MAP2K4: variants seen among roughly 807,000 people sequenced by gnomAD.
MAP2K4 encodes the protein dual specificity mitogen-activated protein kinase kinase 4.
A neutral mutation model predicts 48.5 loss-of-function variants in MAP2K4; 4 were observed. That is an observed-to-expected ratio of 0.08 (90% CI 0.04 to 0.19). The LOEUF (loss-of-function observed/expected upper bound fraction) is 0.19, where lower values mean the gene tolerates loss of function less well. Ranked by LOEUF, MAP2K4 falls within the 10% of genes least tolerant of loss-of-function variation. The pLI, the probability that MAP2K4 is intolerant of heterozygous loss-of-function variation, is 1.00. For synonymous variants in MAP2K4, 166 were observed against 173.1 expected (o/e 0.96, Z 0.32); for missense variants, 258 against 493.3 (o/e 0.52, Z 4.52).
rs950806678 is a variant in MAP2K4 at position 12,060,953 on chromosome 17, C to T, written c.218+5962C>T. On this transcript the variant is annotated intron_variant, in intron 2 of 10. Transcript: ENST00000353533. Reference sequence around the variant, plus strand: ...TCTTCTCAGATCGAACTTCTGTACCCGTTAAGCAATAAGTCCTTATTCTCC... The same window carrying T: ...TCTTCTCAGATCGAACTTCTGTACCTGTTAAGCAATAAGTCCTTATTCTCC... Among the ~76,000 whole-genome samples, 11 of 152,112 alleles carry T rather than the reference C, an allele frequency of 7.2e-5. No homozygotes were observed. The East Asian group carries it at 1.9e-3, about 27-fold the overall frequency.
intron 3 of MAP2K4, among the ~76,000 whole-genome samples, chr17:12,082,862 A>C (rs1214533544): frequency 6.6e-6 from 1 of 152,222 alleles, no homozygotes; most frequent in Non-Finnish European, 1.5e-5. Context: ...TTATGTGTTA[A>C]AATAAAATGT....
At chr17:12,078,716 T>C (rs1306747039) in intron 2 of MAP2K4, among the ~76,000 whole-genome samples, 1 of 152,240 alleles carries the variant, frequency 6.6e-6, no homozygotes, top group Non-Finnish European at 1.5e-5. Context: ...GTGTGTTTTC[T>C]ACTGTTTATG....
chr17:12,121,393 G>C (rs1481901245), intron 7 of MAP2K4, among the ~76,000 whole-genome samples: 2 of 152,006 alleles, frequency 1.3e-5, no homozygotes, highest in African/African-American at 4.8e-5. Flanking sequence ...TTCATACTCA[G>C]ATTTCCCATA....
At chr17:12,051,551 A>G (rs1970139225) in intron 1 of MAP2K4, among the ~76,000 whole-genome samples, 1 of 152,198 alleles carries the variant, frequency 6.6e-6, no homozygotes, top group Non-Finnish European at 1.5e-5. Flanking sequence ...AATTGATGAT[A>G]TGACAGTCCC....
rs200587573 is a variant in MAP2K4 at position 12,073,770 on chromosome 17, AT to A, written c.219-7568del. ...CAGAATTTCTTCCTTCTCGTTGTAG[AT>A]TTTTTTTTTTTTTTTTTCTGAGACG... On this transcript the variant is annotated intron_variant, in intron 2 of 10. Transcript: ENST00000353533. Among the ~76,000 whole-genome samples the A allele has an allele frequency of 9.1e-3, 1,257 of 137,688 alleles. 17 individuals are homozygous for A. Among genetic ancestry groups the A allele is most frequent in the African/African-American group, 0.028 (1,043 of 36,988 alleles). The allele number at this position is 137,688 out of a possible 152,430, so 90.3% of individuals were successfully genotyped here.
At chr17:12,118,598 A>G (rs1007944310) in intron 7 of MAP2K4, among the ~76,000 whole-genome samples, 30 of 152,206 alleles carry the variant, frequency 2.0e-4, no homozygotes, top group African/African-American at 7.0e-4. Flanking sequence ...AATTCTCATA[A>G]AAAATAATGT....
At chr17:12,124,391 A>G (rs1373015536) in intron 7 of MAP2K4, 1 of 152,242 alleles carries the variant, frequency 6.6e-6, no homozygotes, top group Non-Finnish European at 1.5e-5. Flanking sequence ...TCTGCGGTAC[A>G]TAGGATAATA....
intron 3 of MAP2K4, among the ~76,000 whole-genome samples, chr17:12,090,274 C>T (rs753551547): frequency 6.6e-6 from 1 of 152,154 alleles, no homozygotes; most frequent in Non-Finnish European, 1.5e-5. Context: ...GTTGTCACAT[C>T]AGGACACCGG....
At chr17:12,097,212 ATTAG>A (rs1436183696) in intron 4 of MAP2K4, among the ~76,000 whole-genome samples, 1 of 152,224 alleles carries the variant, frequency 6.6e-6, no homozygotes, top group Admixed American at 6.5e-5. Flanking sequence ...ACAATAGTTA[ATTAG>A]TTAATTAGGG....
In MAP2K4 at chr17:12,129,272, A is replaced by G. The variant is rs191244765; in HGVS notation, c.1025A>G (p.Asn342Ser). The change falls in exon 9 of 11, where the codon AAC becomes AGC. Residue 342 changes from asparagine (N) to serine (S), a missense_variant. This residue lies in a region of MAP2K4 where 57 missense variants were observed against 84.3 expected (regional missense o/e 0.68). Transcript: ENST00000353533. ...EEREFSPSFI[N>S]FVNLCLTKDE... Reference sequence around the variant, plus strand: ...AGGGAATTCTCCCCGAGTTTCATCAACTTTGTCAACTTGTGGTGAGTACCT... The same window carrying G: ...AGGGAATTCTCCCCGAGTTTCATCAGCTTTGTCAACTTGTGGTGAGTACCT... The G allele has an allele frequency of 8.7e-6, 14 of 1,614,224 alleles. No individual in the cohort carries two copies. The highest frequency in any genetic ancestry group is 1.3e-5 in the African/African-American group (1 of 75,062).
chr17:12,055,828 A>C (rs1039973156), intron 2 of MAP2K4, among the ~76,000 whole-genome samples: 1 of 152,112 alleles, frequency 6.6e-6, no homozygotes, highest in African/African-American at 2.4e-5. Flanking sequence ...AGCAATGTCT[A>C]GAAGGGAGTA....
At chr17:12,126,454 G>A (rs1294943678) in intron 8 of MAP2K4, among the ~76,000 whole-genome samples, 1 of 152,208 alleles carries the variant, frequency 6.6e-6, no homozygotes, top group East Asian at 1.9e-4. Context: ...CGGAGGCTGG[G>A]AAGTCCAAGA....
At chr17:12,112,481 A>G (rs1371055041) in intron 6 of MAP2K4, among the ~76,000 whole-genome samples, 4 of 151,724 alleles carry the variant, frequency 2.6e-5, no homozygotes, top group Non-Finnish European at 5.9e-5. Flanking sequence ...AAAAAAAAAA[A>G]AAAAGCATGG....
At chr17:12,076,905 T>A (rs945992855) in intron 2 of MAP2K4, among the ~76,000 whole-genome samples, 18 of 152,112 alleles carry the variant, frequency 1.2e-4, no homozygotes, top group Non-Finnish European at 1.2e-4. Context: ...AATCAAATTG[T>A]ATTGCTTTAT....
At chr17:12,100,095 C>T (rs1324605326) in intron 4 of MAP2K4, among the ~76,000 whole-genome samples, 2 of 152,154 alleles carry the variant, frequency 1.3e-5, no homozygotes, top group Admixed American at 1.3e-4. Flanking sequence ...ATAAACTTCC[C>T]ACATGTAAAG....
At chr17:12,057,838 A>G (rs1210749548) in intron 2 of MAP2K4, among the ~76,000 whole-genome samples, 2 of 152,098 alleles carry the variant, frequency 1.3e-5, no homozygotes, top group Non-Finnish European at 2.9e-5. Context: ...TTAGGATTCT[A>G]TTCTTAATTT....
At chr17:12,037,819 TC>T (rs1024999893) in intron 1 of MAP2K4, among the ~76,000 whole-genome samples, 2 of 152,086 alleles carry the variant, frequency 1.3e-5, no homozygotes, top group African/African-American at 4.8e-5. Flanking sequence ...AGTGGTATAT[TC>T]CAGAGTCAGG....
intron 10 of MAP2K4, among the ~76,000 whole-genome samples, chr17:12,140,372 A>T (rs1445391934): frequency 1.3e-5 from 2 of 152,162 alleles, no homozygotes; most frequent in East Asian, 3.9e-4. Flanking sequence ...GTTGTGATCT[A>T]ATAATGTGGG....
intron 1 of MAP2K4, chr17:12,032,280 T>C: frequency 7.0e-7 from 1 of 1,419,084 alleles, no homozygotes; most frequent in East Asian, 2.6e-5. Context: ...TCAGATAAAC[T>C]TCTGTGAAAA....
Sources: gnomAD v4.1 joint callset for allele counts (sites outside exome capture counted in the v4.1 genomes callset) on GRCh38, gnomAD v4.1.1 for gene constraint, gnomAD v4.1.1 regional missense constraint, MANE v1.5 for transcripts, NCBI Gene and HGNC (gene_info 2026-07-23, HGNC 2026-07-21) for gene names.